The following BRMS1L variants were observed in gnomAD, a reference collection of about 807,000 sequenced individuals.
The protein encoded by BRMS1L is breast cancer metastasis-suppressor 1-like protein.
Under a neutral mutation model 50.3 loss-of-function variants are expected in BRMS1L, and 23 were observed. The observed-to-expected ratio is 0.46, with a 90% CI of 0.33 to 0.65. The LOEUF is 0.65. BRMS1L is among the 30% of genes least tolerant of loss of function. The pLI is 0.02. For synonymous variants in BRMS1L, 114 were observed against 126.9 expected (o/e 0.90, Z 0.69); for missense variants, 286 against 386.1 (o/e 0.74, Z 2.17).
intron 4 of BRMS1L, 81 bp downstream of exon 4, chr14:35,835,004 A>G: frequency 1.1e-6 from 1 of 939,080 alleles, no homozygotes. Context: ...AAAGTAAACT[A>G]AGTAAAACAA....
intron 9 of BRMS1L, 65 bp from the exon 10 acceptor site, chr14:35,870,295 A>G: frequency 1.9e-6 from 2 of 1,028,050 alleles, no homozygotes. Context: ...TATATAGGTA[A>G]TAATCTAAAG....
chr14:35,832,939 A>G (rs1336759822), intron 2 of BRMS1L, 39 bp from the exon 3 acceptor site: 2 of 1,549,998 alleles, frequency 1.3e-6, no homozygotes, highest in Admixed American at 3.6e-5. Context: ...GCCTTTGTTG[A>G]GATTTTTAAA....
intron 3 of BRMS1L, among the ~76,000 whole-genome samples, chr14:35,834,468 A>G (rs915392736): frequency 6.6e-6 from 1 of 152,178 alleles, no homozygotes; most frequent in Non-Finnish European, 1.5e-5. Context: ...CTCTGAGTAT[A>G]TGTGATTGAT....
At chr14:35,846,525 C>T (rs1051465496) in intron 4 of BRMS1L, among the ~76,000 whole-genome samples, 3 of 152,048 alleles carry the variant, frequency 2.0e-5, no homozygotes, top group Non-Finnish European at 4.4e-5. Flanking sequence ...ATGATCTTTA[C>T]ATTTTTGAAA....
At chr14:35,869,504 A>G (rs1341854084) in intron 9 of BRMS1L, among the ~76,000 whole-genome samples, 3 of 151,098 alleles carry the variant, frequency 2.0e-5, no homozygotes, top group Non-Finnish European at 4.4e-5. Context: ...AACCTGGGTG[A>G]CAGAGAAACC....
rs1165467001 is a variant in BRMS1L, at chr14:35,842,055, ATT to A, written c.441+7135_441+7136del. ...TTGGTAAATATTCCTCCATCCCTTT[ATT>A]TTGAGCTTATGTGTTTCTTTGCACG... On this transcript the variant is annotated intron_variant, in intron 4 of 9. Transcript: ENST00000216807. Among the ~76,000 whole-genome samples, 3 of 63,174 alleles carry A rather than the reference ATT, an allele frequency of 4.7e-5. No individual in the cohort carries two copies. In the South Asian group the frequency reaches 1.2e-3, roughly 26 times the overall value. The allele number at this position is 63,174 out of a possible 152,430, so 41.4% of individuals were successfully genotyped here.
At position 35,862,592 on chromosome 14, in the gene BRMS1L, C is replaced by T. The variant is rs1267795187; in HGVS notation, c.444C>T (p.Ser148=). The T allele has an allele frequency of 3.8e-6, 6 of 1,572,562 alleles. No individual in the cohort carries two copies. The highest frequency in any genetic ancestry group is 2.4e-5 in the South Asian group (2 of 81,706). The change falls in exon 5 of 10, where the codon AGC becomes AGT. Residue 148 remains serine (S), a splice_region_variant and synonymous_variant. Coordinates refer to ENST00000216807, the MANE Select transcript of BRMS1L (RefSeq NM_032352.4). ...EIQASRQHCE[S]EKLLLYDTVQ... The stretch of plus-strand genomic sequence containing the variant: ...GTATAATCTGTTTTTCTCCCCAGAG[C>T]GAAAAGCTGTTGCTATATGATACAG...
At chr14:35,838,471 C>G (rs1199120323) in intron 4 of BRMS1L, among the ~76,000 whole-genome samples, 1 of 152,094 alleles carries the variant, frequency 6.6e-6, no homozygotes, top group African/African-American at 2.4e-5. Flanking sequence ...AATGTTTGAA[C>G]TAATTTATAC....
chr14:35,842,489 A>G (rs1171251046), intron 4 of BRMS1L, among the ~76,000 whole-genome samples: 1 of 152,324 alleles, frequency 6.6e-6, no homozygotes, highest in Non-Finnish European at 1.5e-5. Flanking sequence ...TTCTTTAAGA[A>G]TATTGAATAT....
Position 35,826,354 on chromosome 14 carries a change from A to G in BRMS1L, c.-163A>G, listed in dbSNP as rs1162910575. 5 of 1,025,250 alleles carry G rather than the reference A, an allele frequency of 4.9e-6. No individual in the cohort carries two copies. The highest frequency in any genetic ancestry group is 7.0e-6 in the Non-Finnish European group (5 of 715,122). The allele number at this position is 1,025,250 out of a possible 1,614,324, so 63.5% of individuals were successfully genotyped here. On this transcript the variant is annotated 5_prime_UTR_variant, in exon 1 of 10. Transcript: ENST00000216807. Reference sequence around the variant, plus strand: ...GCCAATGGCAGAGCTCCCATCGCAGAGCCTGCGGGTTAGGTTGTGAGGCCC... The same window carrying G: ...GCCAATGGCAGAGCTCCCATCGCAGGGCCTGCGGGTTAGGTTGTGAGGCCC...
At chr14:35,861,759 G>A (rs905356067) in intron 4 of BRMS1L, among the ~76,000 whole-genome samples, 1 of 152,130 alleles carries the variant, frequency 6.6e-6, no homozygotes, top group Non-Finnish European at 1.5e-5. Context: ...TGTGGCCTGT[G>A]TTTTCTACAT....
intron 3 of BRMS1L, among the ~76,000 whole-genome samples, chr14:35,834,369 T>C (rs1041263193): frequency 1.3e-5 from 2 of 152,170 alleles, no homozygotes; most frequent in Non-Finnish European, 2.9e-5. Context: ...TATATCAGTT[T>C]ATATACATTT....
intron 1 of BRMS1L, chr14:35,829,736 T>G: frequency 6.8e-6 from 5 of 731,590 alleles, no homozygotes; most frequent in Non-Finnish European, 7.7e-6. Flanking sequence ...GAGAAAAAAA[T>G]GAGTCAGCCT....
At chr14:35,856,458 C>T (rs915723697) in intron 4 of BRMS1L, among the ~76,000 whole-genome samples, 4 of 152,108 alleles carry the variant, frequency 2.6e-5, no homozygotes, top group African/African-American at 4.8e-5. Flanking sequence ...GAAAACTATT[C>T]GGGGTTCTGA....
intron 4 of BRMS1L, among the ~76,000 whole-genome samples, chr14:35,842,677 G>A (rs2078081887): frequency 6.6e-6 from 1 of 152,148 alleles, no homozygotes; most frequent in Non-Finnish European, 1.5e-5. Context: ...TTCTCGAGGA[G>A]TATCTCTGTG....
chr14:35,831,559 T>C, intron 2 of BRMS1L, 59 bp downstream of exon 2: 1 of 1,243,532 alleles, frequency 8.0e-7, no homozygotes. Context: ...ACTTGTATAC[T>C]AGCACAAGAG....
Position 35,863,871 on chromosome 14 carries a change from G to T in BRMS1L, c.540G>T (p.Glu180Asp). The T allele has an allele frequency of 6.2e-7, 1 of 1,613,664 alleles. No individual in the cohort carries two copies. Among genetic ancestry groups the T allele is most frequent in the Non-Finnish European group, 8.5e-7 (1 of 1,179,762 alleles). The part of the protein sequence containing the change: ...EDRHSIDITS[E>D]LWNDELQSRK... ...ACTTAATCTTTATTTACCTGCCAGA[G>T]CTGTGGAATGATGAGCTTCAGTCAA... The change falls in exon 6 of 10, where the codon GAG becomes GAT. Residue 180 changes from glutamate to aspartate, a missense_variant and splice_region_variant. This residue lies in a region of BRMS1L where 160 missense variants were observed against 240.6 expected (regional missense o/e 0.66). Coordinates refer to ENST00000216807, the MANE Select transcript of BRMS1L (RefSeq NM_032352.4).
intron 4 of BRMS1L, among the ~76,000 whole-genome samples, chr14:35,844,760 T>A (rs561121598): frequency 2.6e-4 from 40 of 152,308 alleles, no homozygotes; most frequent in African/African-American, 9.1e-4. Context: ...CTGGGCAACA[T>A]AGCAAGACCC....
intron 4 of BRMS1L, among the ~76,000 whole-genome samples, chr14:35,852,702 T>G (rs1231533790): frequency 6.6e-6 from 1 of 151,624 alleles, no homozygotes; most frequent in Non-Finnish European, 1.5e-5. Flanking sequence ...GAGGCCGAGG[T>G]GGGCAGGTCA....
Sources: gnomAD v4.1 joint callset for allele counts (sites outside exome capture counted in the v4.1 genomes callset) on GRCh38, gnomAD v4.1.1 for gene constraint, gnomAD v4.1.1 regional missense constraint, MANE v1.5 for transcripts, NCBI Gene and HGNC (gene_info 2026-07-23, HGNC 2026-07-21) for gene names.